LSAMP: variants seen among roughly 807,000 people sequenced by gnomAD.
The protein encoded by LSAMP is limbic system-associated membrane protein.
LSAMP carries 7 observed loss-of-function variants against 38.6 expected under a neutral mutation model. That is an observed-to-expected ratio of 0.18 (90% CI 0.10 to 0.34). The LOEUF (loss-of-function observed/expected upper bound fraction) is 0.34. LSAMP is among the 10% of genes least tolerant of loss of function. The pLI, the probability that LSAMP is intolerant of heterozygous loss-of-function variation, is 1.00. For synonymous variants in LSAMP, 154 were observed against 166.8 expected (o/e 0.92, Z 0.59); for missense variants, 313 against 420.0 (o/e 0.75, Z 2.23).
At chr3:116,037,940 A>G (rs1287182966) in intron 2 of LSAMP, among the ~76,000 whole-genome samples, 3 of 152,142 alleles carry the variant, frequency 2.0e-5, no homozygotes, top group Non-Finnish European at 4.4e-5. Context: ...CTGAATTTCC[A>G]TAGTCTCATG....
chr3:116,181,693 T>A (rs1463247765), intron 1 of LSAMP, among the ~76,000 whole-genome samples: 1 of 151,994 alleles, frequency 6.6e-6, no homozygotes, highest in Non-Finnish European at 1.5e-5. Context: ...ATTATTGTTA[T>A]TATTCATCAC....
intron 1 of LSAMP, among the ~76,000 whole-genome samples, chr3:116,252,980 A>T (rs964121281): frequency 2.0e-5 from 3 of 152,206 alleles, no homozygotes; most frequent in African/African-American, 7.2e-5. Flanking sequence ...TAATTATTCA[A>T]TCAGTCCAGC....
intron 1 of LSAMP, among the ~76,000 whole-genome samples, chr3:116,403,312 A>C (rs2048861856): frequency 6.6e-6 from 1 of 152,200 alleles, no homozygotes; most frequent in African/African-American, 2.4e-5. Flanking sequence ...CATAATTGTG[A>C]ATGTAAGCTC....
intron 3 of LSAMP, among the ~76,000 whole-genome samples, chr3:115,963,019 C>A (rs910966036): frequency 1.3e-5 from 2 of 152,074 alleles, no homozygotes; most frequent in Non-Finnish European, 2.9e-5. Flanking sequence ...TACTACTGAG[C>A]GATAGGATGA....
At chr3:116,392,442 C>T (rs1470536456) in intron 1 of LSAMP, among the ~76,000 whole-genome samples, 1 of 152,228 alleles carries the variant, frequency 6.6e-6, no homozygotes, top group African/African-American at 2.4e-5. Context: ...GGGGTGCACA[C>T]ACTCACGGCA....
chr3:115,988,201 T>C (rs1305171414), intron 3 of LSAMP, among the ~76,000 whole-genome samples: 1 of 152,130 alleles, frequency 6.6e-6, no homozygotes, highest in African/African-American at 2.4e-5. Flanking sequence ...ACATGCAAAT[T>C]TTCATTACAA....
intron 1 of LSAMP, among the ~76,000 whole-genome samples, chr3:116,222,258 T>C (rs2046294041): frequency 6.8e-6 from 1 of 147,834 alleles, no homozygotes; most frequent in Admixed American, 6.6e-5. Flanking sequence ...ATCCCTATTT[T>C]ATGACTTCAA....
At chr3:116,296,265 T>C (rs896270130) in intron 1 of LSAMP, among the ~76,000 whole-genome samples, 7 of 152,206 alleles carry the variant, frequency 4.6e-5, no homozygotes, top group Non-Finnish European at 1.0e-4. Context: ...TTTATTTTAC[T>C]GTAAAAATAT....
intron 1 of LSAMP, among the ~76,000 whole-genome samples, chr3:116,285,020 C>T (rs935177200): frequency 2.6e-5 from 4 of 152,176 alleles, no homozygotes; most frequent in Non-Finnish European, 2.9e-5. Context: ...GATGTTGCTA[C>T]TTTCAAAGAC....
At chr3:116,267,791 C>A (rs1474481947) in intron 1 of LSAMP, among the ~76,000 whole-genome samples, 1 of 152,082 alleles carries the variant, frequency 6.6e-6, no homozygotes, top group Non-Finnish European at 1.5e-5. Flanking sequence ...ACCTATCTAT[C>A]TTCCTCTGTG....
At chr3:115,987,342 C>A (rs942729714) in intron 3 of LSAMP, among the ~76,000 whole-genome samples, 3 of 152,146 alleles carry the variant, frequency 2.0e-5, no homozygotes, top group Non-Finnish European at 4.4e-5. Context: ...CCTCTTCCCC[C>A]TTCACAGTGA....
chr3:116,148,002 G>A (rs947016704), intron 1 of LSAMP, among the ~76,000 whole-genome samples: 3 of 149,380 alleles, frequency 2.0e-5, no homozygotes, highest in Non-Finnish European at 4.4e-5. Flanking sequence ...TCCCAGAGTT[G>A]ACCTAATTCT....
At chr3:116,193,570 C>CA (rs1019680320) in intron 1 of LSAMP, among the ~76,000 whole-genome samples, 13 of 151,804 alleles carry the variant, frequency 8.6e-5, no homozygotes, top group Admixed American at 2.0e-4. Flanking sequence ...TACAAACAAA[C>CA]AAAAAAAACA....
intron 2 of LSAMP, among the ~76,000 whole-genome samples, chr3:116,060,675 G>A (rs1226009964): frequency 1.3e-5 from 2 of 152,084 alleles, no homozygotes; most frequent in South Asian, 2.1e-4. Context: ...CAGGAGAATC[G>A]CTTGAATCTG....
At chr3:116,154,805 G>A (rs1709703231) in intron 1 of LSAMP, among the ~76,000 whole-genome samples, 1 of 151,778 alleles carries the variant, frequency 6.6e-6, no homozygotes, top group African/African-American at 2.4e-5. Context: ...ATTCTTTTGG[G>A]GACTGGAAAA....
intron 3 of LSAMP, among the ~76,000 whole-genome samples, chr3:115,947,521 G>A (rs1489539162): frequency 1.3e-5 from 2 of 152,146 alleles, no homozygotes; most frequent in Non-Finnish European, 2.9e-5. Flanking sequence ...TACGTTGGGA[G>A]AAGTGATACT....
chr3:116,136,217 G>A (rs1243573835), intron 1 of LSAMP, among the ~76,000 whole-genome samples: 1 of 152,136 alleles, frequency 6.6e-6, no homozygotes, highest in Admixed American at 6.6e-5. Context: ...ATTGGAGCAT[G>A]TTTGGAACAA....
intron 3 of LSAMP, among the ~76,000 whole-genome samples, chr3:115,987,373 C>A (rs1939538856): frequency 6.6e-6 from 1 of 152,110 alleles, no homozygotes; most frequent in Admixed American, 6.6e-5. Context: ...CATGTTTTTC[C>A]AATGGCAGAG....
chr3:116,179,849 A>G lies in LSAMP; in HGVS notation c.156-93293T>C, dbSNP rs116113941. ...TATGTTAACAGTCCCCAAGAATATTAATGTCAGAAAATGTATCTAATTAAT... is the reference window on the plus strand; with the variant it reads ...TATGTTAACAGTCCCCAAGAATATTGATGTCAGAAAATGTATCTAATTAAT... On this transcript the variant is annotated intron_variant, in intron 1 of 6. Coordinates refer to ENST00000490035, the MANE Select transcript of LSAMP (RefSeq NM_002338.5). 4.3e-3 allele frequency among the ~76,000 whole-genome samples: 652 copies of G among 152,310 alleles called. 2 individuals are homozygous for G. The highest frequency in any genetic ancestry group is 0.031 in the Middle Eastern group (9 of 292).
Sources: gnomAD v4.1 joint callset for allele counts (sites outside exome capture counted in the v4.1 genomes callset) on GRCh38, gnomAD v4.1.1 for gene constraint, MANE v1.5 for transcripts, NCBI Gene and HGNC (gene_info 2026-07-23, HGNC 2026-07-21) for gene names.